Variants in COL21A1 observed in about 807,000 individuals in gnomAD.
The protein encoded by COL21A1 is collagen alpha-1(XXI) chain.
COL21A1 carries 149 observed loss-of-function variants against 137.9 expected under a neutral mutation model. The ratio of observed to expected loss-of-function variants is 1.08; its 90% CI spans 0.95 to 1.24. The LOEUF is 1.24. COL21A1 is among the 50% of genes most tolerant of loss of function. COL21A1 has a pLI of 0.00. For synonymous variants in COL21A1, 456 were observed against 391.5 expected (o/e 1.16, Z -1.95); for missense variants, 1,167 against 1,158.4 (o/e 1.01, Z -0.11).
intron 16 of COL21A1, among the ~76,000 whole-genome samples, chr6:56,118,070 GA>G (rs1267805350): frequency 2.7e-5 from 4 of 150,910 alleles, no homozygotes; most frequent in African/African-American, 9.7e-5. Context: ...TAGAAGAAAA[GA>G]AATAATAAAG....
At chr6:56,331,942 A>G (rs894997138) in intron 1 of COL21A1, 2 of 152,048 alleles carry the variant, frequency 1.3e-5, no homozygotes, top group East Asian at 1.9e-4. Flanking sequence ...ATACTTAACT[A>G]TTTACAGATA....
chr6:56,180,006 G>A lies in COL21A1; in HGVS notation c.212C>T (p.Pro71Leu), dbSNP rs373314290. The A allele has an allele frequency of 9.9e-6, 16 of 1,613,570 alleles. No individual in the cohort carries two copies. The highest frequency in any genetic ancestry group is 1.7e-6 in the Non-Finnish European group (2 of 1,179,848). ...AACCACTCCAACTTGAATAAACTTCGGCCCTATGTCAAAGTTTTTTGTGAT... is the reference window on the plus strand; with the variant it reads ...AACCACTCCAACTTGAATAAACTTCAGCCCTATGTCAAAGTTTTTTGTGAT... ...VNITKNFDIG[P>L]KFIQVGVVQY... The change falls in exon 3 of 30, where the codon CCG becomes CTG. Residue 71 changes from proline (P) to leucine (L), a missense_variant. Pro to Leu is a moderately conservative substitution (Grantham distance 98). Coordinates refer to ENST00000244728, the MANE Select transcript of COL21A1 (RefSeq NM_030820.4).
At chr6:56,264,417 C>T (rs191615282) in intron 1 of COL21A1, among the ~76,000 whole-genome samples, 264 of 152,266 alleles carry the variant, frequency 1.7e-3, no homozygotes, top group Middle Eastern at 3.4e-3. Context: ...TATGGTGGCT[C>T]CTTCTCATTC....
In COL21A1 at chr6:56,363,533, G is replaced by C. The variant is rs1344907600; in HGVS notation, c.-39+30438C>G. On this transcript the variant is annotated intron_variant, in intron 1 of 28. Coordinates refer to the COL21A1 transcript ENST00000370819. ...CACTGTGGGAGCCATTTTGAGGTCAGTCACCCTGTGGCATTACCAGGTGAT... is the reference window on the plus strand; with the variant it reads ...CACTGTGGGAGCCATTTTGAGGTCACTCACCCTGTGGCATTACCAGGTGAT... Among the ~76,000 whole-genome samples, 3 of 152,314 alleles carry C rather than the reference G, an allele frequency of 2.0e-5. No homozygotes were observed. The East Asian group carries it at 5.8e-4, about 29-fold the overall frequency.
intron 1 of COL21A1, among the ~76,000 whole-genome samples, chr6:56,190,044 T>C (rs976963800): frequency 3.3e-5 from 5 of 151,682 alleles, no homozygotes; most frequent in Admixed American, 6.6e-5. Context: ...ATCGACACCA[T>C]GAAGAAACAA....
chr6:56,163,546 T>C (rs1300137333), intron 9 of COL21A1, among the ~76,000 whole-genome samples: 2 of 151,872 alleles, frequency 1.3e-5, no homozygotes, highest in African/African-American at 4.8e-5. Flanking sequence ...CCGTCTCTAC[T>C]AAAATACAAA....
intron 12 of COL21A1, among the ~76,000 whole-genome samples, chr6:56,140,106 A>T (rs916689253): frequency 6.6e-6 from 1 of 152,192 alleles, no homozygotes; most frequent in African/African-American, 2.4e-5. Context: ...TCAATTAACC[A>T]GCATCACCTA....
intron 1 of COL21A1, among the ~76,000 whole-genome samples, chr6:56,317,773 A>T (rs908864461): frequency 6.6e-6 from 1 of 152,116 alleles, no homozygotes; most frequent in African/African-American, 2.4e-5. Context: ...TAGATATGCG[A>T]CCATTCATTC....
At chr6:56,323,026 G>A in intron 1 of COL21A1, among the ~76,000 whole-genome samples, 1 of 151,998 alleles carries the variant, frequency 6.6e-6, no homozygotes, top group East Asian at 1.9e-4. Flanking sequence ...AAAGGTGGGA[G>A]GATAGGAGGT....
At chr6:56,122,869 T>G (rs1004285995) in intron 16 of COL21A1, among the ~76,000 whole-genome samples, 1 of 152,226 alleles carries the variant, frequency 6.6e-6, no homozygotes, top group African/African-American at 2.4e-5. Flanking sequence ...TTTACTCTAT[T>G]TTCGAAATAG....
chr6:56,074,821 T>A (rs1767067938), intron 19 of COL21A1, among the ~76,000 whole-genome samples: 2 of 151,542 alleles, frequency 1.3e-5, no homozygotes, highest in South Asian at 4.1e-4. Flanking sequence ...TTAATTTAGA[T>A]TCTACTTTAA....
chr6:56,171,218 A>AT, intron 3 of COL21A1, 90 bp from the exon 4 acceptor site: 1 of 763,534 alleles, frequency 1.3e-6, no homozygotes, highest in Non-Finnish European at 2.0e-6. Context: ...ACAATATAGT[A>AT]TTCTATCATT....
intron 1 of COL21A1, among the ~76,000 whole-genome samples, chr6:56,304,770 G>C (rs1048561613): frequency 1.3e-5 from 2 of 152,064 alleles, no homozygotes; most frequent in African/African-American, 4.8e-5. Flanking sequence ...CTTGCCTTCT[G>C]CTAGCTTTTG....
rs146818500 is a variant in COL21A1 at position 56,309,029 on chromosome 6, C to T, written c.-39+84942G>A. Among the ~76,000 whole-genome samples the T allele has an allele frequency of 2.4e-3, 360 of 150,556 alleles. 2 individuals carry two copies. The highest frequency in any genetic ancestry group is 8.2e-3 in the African/African-American group (338 of 41,302). ...GACCTTCGGCTGTTTGTTAATCACG[C>T]TCAGTCCTCAATTATCTTTTTTTTT... is the stretch of plus-strand genomic sequence containing the variant. On this transcript the variant is annotated intron_variant, in intron 1 of 28. Transcript: ENST00000370819.
chr6:56,332,203 T>C (rs1765242304), intron 1 of COL21A1: 1 of 152,036 alleles, frequency 6.6e-6, no homozygotes, highest in East Asian at 1.9e-4. Context: ...TTGATGAGAG[T>C]TGTGTTGAAT....
At position 56,130,188 on chromosome 6, in the gene COL21A1, T is replaced by TTTCAA. The variant is rs1561898391; in HGVS notation, c.1543-4040_1543-4039insTTGAA. 2.1e-4 allele frequency among the ~76,000 whole-genome samples: 3 copies of TTTCAA among 13,972 alleles called. No homozygotes were observed. The East Asian group carries it at 0.021, about 98-fold the overall frequency. The allele number at this position is 13,972 out of a possible 152,430, so 9.2% of individuals were successfully genotyped here. Reference sequence around the variant, plus strand: ...TTTTATATATATATATATATATATATATATATATATATATATATATATAAA... The same window carrying TTTCAA: ...TTTTATATATATATATATATATATATTTCAAATATATATATATATATATATATAAA... On this transcript the variant is annotated intron_variant, in intron 12 of 29. Coordinates refer to ENST00000244728, the MANE Select transcript of COL21A1 (RefSeq NM_030820.4).
In COL21A1 at chr6:56,060,902, C is replaced by A. The variant is rs1282935185; in HGVS notation, c.2341G>T (p.Asp781Tyr). Residue 781 changes from aspartate to tyrosine, a missense_variant, in exon 26 of 30, where the codon GAT becomes TAT. Coordinates refer to ENST00000244728, the MANE Select transcript of COL21A1 (RefSeq NM_030820.4). ...DPGPQGPPGLDGKPGREFSEQ... is the reference protein window; with the variant it reads ...DPGPQGPPGLYGKPGREFSEQ... ...AGCAGAATACATACGGGCTTCCCAT[C>A]CAAACCTGGGGGTCCCTGAGGACCT... is the stretch of plus-strand genomic sequence containing the variant. 1 of 1,578,408 alleles carries A rather than the reference C, an allele frequency of 6.3e-7. No homozygotes were observed. Among genetic ancestry groups the A allele is most frequent in the Non-Finnish European group, 8.6e-7 (1 of 1,168,184 alleles).
chr6:56,341,011 C>G (rs1765456536), intron 1 of COL21A1, among the ~76,000 whole-genome samples: 1 of 152,184 alleles, frequency 6.6e-6, no homozygotes. Flanking sequence ...GTGAAACATA[C>G]TTCCAGGACA....
chr6:56,060,964 A>C lies in COL21A1; in HGVS notation c.2279T>G (p.Met760Arg), dbSNP rs201839603. 5 of 1,608,088 alleles carry C rather than the reference A, an allele frequency of 3.1e-6. No individual in the cohort carries two copies. Among genetic ancestry groups the C allele is most frequent in the Admixed American group, 3.4e-5 (2 of 58,862 alleles). The change falls in exon 26 of 30, where the codon ATG becomes AGG. Residue 760 changes from methionine to arginine, a missense_variant. Met to Arg is a moderately conservative substitution (Grantham distance 91, BLOSUM62 -1). Coordinates refer to ENST00000244728, the MANE Select transcript of COL21A1 (RefSeq NM_030820.4). ...TTGCCCCTTAGGACCTGCGGGCCCC[A>C]TCAAGCCATCCACCCCAGATTCTCC... ...SKGESGVDGL[M>R]GPAGPKGQPG...
Sources: gnomAD v4.1 joint callset for allele counts (sites outside exome capture counted in the v4.1 genomes callset) on GRCh38, gnomAD v4.1.1 for gene constraint, MANE v1.5 for transcripts, NCBI Gene and HGNC (gene_info 2026-07-23, HGNC 2026-07-21) for gene names.